VSNL1: variants seen among roughly 807,000 people sequenced by gnomAD.
VSNL1 encodes visinin like 1.
In VSNL1, 6 loss-of-function variants were observed where a neutral mutation model predicts 20.4. The observed-to-expected ratio is 0.29, with a 90% confidence interval of 0.16 to 0.58. The LOEUF is 0.58. Among genes scored for constraint, VSNL1 ranks in the 20% least tolerant of loss-of-function variants. The probability of loss-of-function intolerance (pLI) is 0.90; values close to 1 mark genes in which losing one functional copy is unlikely to be tolerated. For missense variants in VSNL1, 100 were observed against 234.5 expected (o/e 0.43, Z 3.75); for synonymous variants, 93 against 86.4 (o/e 1.08, Z -0.42).
chr2:17,653,056 T>G (rs1666155062), intron 3 of VSNL1, among the ~76,000 whole-genome samples: 1 of 152,188 alleles, frequency 6.6e-6, no homozygotes, highest in African/African-American at 2.4e-5. Context: ...TTTATCCAGT[T>G]TTCTAGTTTA....
intron 1 of VSNL1, among the ~76,000 whole-genome samples, chr2:17,582,038 G>C (rs1333750727): frequency 6.6e-6 from 1 of 152,148 alleles, no homozygotes; most frequent in African/African-American, 2.4e-5. Context: ...CTGAAAATGA[G>C]GTACCTCCTC....
At chr2:17,550,149 A>G (rs1013766118) in intron 1 of VSNL1, among the ~76,000 whole-genome samples, 1 of 152,176 alleles carries the variant, frequency 6.6e-6, no homozygotes, top group Non-Finnish European at 1.5e-5. Context: ...TCAACTTTAG[A>G]ATTTTAGATT....
chr2:17,550,663 G>C (rs1558278722), intron 1 of VSNL1, among the ~76,000 whole-genome samples: 2 of 152,210 alleles, frequency 1.3e-5, no homozygotes, highest in African/African-American at 4.8e-5. Context: ...AGTAAGGACA[G>C]TAAGACCAAC....
At chr2:17,546,249 T>C (rs865794100) in intron 1 of VSNL1, among the ~76,000 whole-genome samples, 5 of 152,066 alleles carry the variant, frequency 3.3e-5, no homozygotes, top group Non-Finnish European at 5.9e-5. Flanking sequence ...TATCGATGCA[T>C]AGAATGAATC....
chr2:17,562,168 G>A (rs372208842), intron 1 of VSNL1, among the ~76,000 whole-genome samples: 4 of 152,106 alleles, frequency 2.6e-5, no homozygotes, highest in African/African-American at 4.8e-5. Context: ...GTAGTTGATC[G>A]AAAGAACACA....
chr2:17,641,996 C>G (rs1219573383), intron 2 of VSNL1, among the ~76,000 whole-genome samples: 1 of 152,112 alleles, frequency 6.6e-6, no homozygotes, highest in Non-Finnish European at 1.5e-5. Flanking sequence ...ATCAGAAAAA[C>G]TAAATAAAAT....
intron 1 of VSNL1, among the ~76,000 whole-genome samples, chr2:17,556,487 A>G (rs747127722): frequency 6.6e-6 from 1 of 152,196 alleles, no homozygotes; most frequent in African/African-American, 2.4e-5. Context: ...CAGAAGCTGC[A>G]TGGCTTCTGA....
intron 2 of VSNL1, among the ~76,000 whole-genome samples, chr2:17,626,718 A>C (rs1665517125): frequency 6.6e-6 from 1 of 152,330 alleles, no homozygotes; most frequent in African/African-American, 2.4e-5. Flanking sequence ...CAGCTCTCTG[A>C]AGTTAGAATG....
chr2:17,649,565 T>C lies in VSNL1; in HGVS notation c.318T>C (p.Asn106=), dbSNP rs1453179631. 4 of 1,613,910 alleles carry C rather than the reference T, an allele frequency of 2.5e-6. No individual in the cohort carries two copies. The highest frequency in any genetic ancestry group is 3.4e-6 in the Non-Finnish European group (4 of 1,180,008). ...AGCAGAAGCTGAACTGGGCCTTCAA[T>C]ATGTATGACCTGGATGGTGATGGCA... ...SFEQKLNWAF[N]MYDLDGDGKI... is the part of the protein sequence containing the mutation. The change falls in exon 3 of 4, where the codon AAT becomes AAC. Residue 106 remains asparagine (N), a synonymous_variant. Transcript: ENST00000295156. The surrounding 1 kb of genome is among the most constrained non-coding windows in gnomAD (Gnocchi z 6.4).
chr2:17,540,659 C>A, upstream of VSNL1: 1 of 152,804 alleles, frequency 6.5e-6, no homozygotes. Context: ...GCCTGCGCAT[C>A]CAGCTCCAGG....
At chr2:17,561,826 G>T (rs960063799) in intron 1 of VSNL1, among the ~76,000 whole-genome samples, 2 of 152,140 alleles carry the variant, frequency 1.3e-5, no homozygotes, top group African/African-American at 4.8e-5. Flanking sequence ...TGGGTAAATG[G>T]TGGTATAATT....
chr2:17,652,655 A>T (rs1666145655), intron 3 of VSNL1, among the ~76,000 whole-genome samples: 1 of 152,234 alleles, frequency 6.6e-6, no homozygotes, highest in Non-Finnish European at 1.5e-5. Flanking sequence ...TGCATTAAGA[A>T]CTAGAATGCT....
intron 2 of VSNL1, among the ~76,000 whole-genome samples, chr2:17,637,408 C>A (rs1461587795): frequency 6.6e-6 from 1 of 152,218 alleles, no homozygotes; most frequent in East Asian, 1.9e-4. Context: ...CCCCCTTAGG[C>A]AGGCTTGGCT....
intron 2 of VSNL1, among the ~76,000 whole-genome samples, chr2:17,602,968 A>G (rs73921007): frequency 0.014 from 2,098 of 152,160 alleles, 25 homozygotes; most frequent in East Asian, 0.037. Context: ...CCTAGGAGAA[A>G]CTCTTAACAA....
At position 17,592,158 on chromosome 2, in the gene VSNL1, G is replaced by T. The variant is rs1440126115; in HGVS notation, c.84G>T (p.Lys28Asn). 6.2e-7 allele frequency: 1 copy of T among 1,613,926 alleles called. No individual in the cohort carries two copies. The highest frequency in any genetic ancestry group is 8.5e-7 in the Non-Finnish European group (1 of 1,179,858). ...KSTEFNEHEL[K>N]QWYKGFLKDC... is the part of the protein sequence containing the mutation. ...CAGAGTTTAATGAGCATGAACTCAA[G>T]CAGTGGTACAAAGGATTTCTCAAGG... Residue 28 changes from lysine to asparagine, a missense_variant, in exon 2 of 4, where the codon AAG becomes AAT. Transcript: ENST00000295156.
intron 2 of VSNL1, among the ~76,000 whole-genome samples, chr2:17,604,034 AG>A (rs1208892335): frequency 2.0e-5 from 3 of 152,198 alleles, no homozygotes; most frequent in African/African-American, 4.8e-5. Flanking sequence ...CCATCTGGGA[AG>A]ATAAAGCCTT....
chr2:17,619,142 A>G (rs979914458), intron 2 of VSNL1, among the ~76,000 whole-genome samples: 1 of 152,216 alleles, frequency 6.6e-6, no homozygotes, highest in African/African-American at 2.4e-5. Context: ...CCCCAGTTTT[A>G]CAGAGGATAC....
In VSNL1 at chr2:17,656,435, T is replaced by G. The variant is rs1360865272; in HGVS notation, c.*1041T>G. ...TCTATGACAATAAATTTTATCTCAG[T>G]GTGACTTTGGTGCTAACAACGTATG... On this transcript the variant is annotated 3_prime_UTR_variant, in exon 4 of 4. Transcript: ENST00000295156. 6.6e-6 allele frequency: 1 copy of G among 152,204 alleles called. No homozygotes were observed. The highest frequency in any genetic ancestry group is 1.9e-4 in the East Asian group (1 of 5,196). The allele number at this position is 152,204 out of a possible 1,614,324, so 9.4% of individuals were successfully genotyped here.
At chr2:17,579,168 T>A (rs905355380) in intron 1 of VSNL1, among the ~76,000 whole-genome samples, 2 of 151,876 alleles carry the variant, frequency 1.3e-5, no homozygotes, top group Non-Finnish European at 2.9e-5. Context: ...CAAGCTGGAG[T>A]GCAGTGGTGC....
Sources: allele counts gnomAD v4.1 joint callset (sites outside exome capture counted in the v4.1 genomes callset), GRCh38; gene constraint gnomAD v4.1.1; non-coding constraint Gnocchi (gnomAD v3.1); transcripts MANE v1.5; gene names NCBI Gene and HGNC (gene_info 2026-07-23, HGNC 2026-07-21).